The following BSND variants were observed in gnomAD, a reference collection of about 807,000 sequenced individuals.
The protein encoded by BSND is barttin.
A neutral mutation model predicts 18.8 loss-of-function variants in BSND; 13 were observed. The ratio of observed to expected loss-of-function variants is 0.69; its 90% CI spans 0.45 to 1.10. BSND has a LOEUF of 1.10. Among genes scored for constraint, BSND ranks in the 50% least tolerant of loss-of-function variants. The probability of loss-of-function intolerance (pLI) is 0.00; values close to 1 mark genes in which losing one functional copy is unlikely to be tolerated. For missense variants in BSND, 379 were observed against 416.7 expected (o/e 0.91, Z 0.79); for synonymous variants, 170 against 161.8 (o/e 1.05, Z -0.39).
At position 55,013,024 on chromosome 1, in the gene BSND, T is replaced by C. The variant is rs80208889; in HGVS notation, c.*4396T>C. The stretch of plus-strand genomic sequence containing the variant: ...AACTGATATTCAAACATAGGTCCTC[T>C]GAGCCTGTGCTCTTCCCACGATGCC... On this transcript the variant is annotated 3_prime_UTR_variant, in exon 4 of 4. Coordinates refer to ENST00000651561, the MANE Select transcript of BSND (RefSeq NM_057176.3). 3.1e-3 allele frequency among the ~76,000 whole-genome samples: 476 copies of C among 152,026 alleles called. 1 individual carries two copies. The highest frequency in any genetic ancestry group is 0.011 in the African/African-American group (453 of 41,340).
intron 1 of BSND, among the ~76,000 whole-genome samples, chr1:55,000,508 A>G (rs1160238638): frequency 1.3e-5 from 2 of 152,060 alleles, no homozygotes; most frequent in African/African-American, 4.8e-5. Flanking sequence ...CCTAATATCT[A>G]GGGCTCCAGG....
rs571135972 is a variant in BSND, at chr1:54,999,526, TCC to T, written c.177+164_177+165del. 0.016 allele frequency among the ~76,000 whole-genome samples: 2,055 copies of T among 132,348 alleles called. 36 individuals carry two copies. The highest frequency in any genetic ancestry group is 0.071 in the African/African-American group (1,971 of 27,836). The allele number at this position is 132,348 out of a possible 152,430, so 86.8% of individuals were successfully genotyped here. ...CTCTCCTGAGCGTCTGTCCCATCCATCCATCCATCCATCCATCCATCCATCCA... is the reference window on the plus strand; with the variant it reads ...CTCTCCTGAGCGTCTGTCCCATCCATATCCATCCATCCATCCATCCATCCA... On this transcript the variant is annotated intron_variant, in intron 1 of 3. Transcript: ENST00000651561.
chr1:55,006,897 G>T, intron 2 of BSND, 100 bp from the exon 3 acceptor site: 5 of 1,558,074 alleles, frequency 3.2e-6, no homozygotes, highest in Admixed American at 1.7e-5. Context: ...TTCTTGTGAG[G>T]TGAGGGGAGA....
Position 55,007,254 on chromosome 1 carries a change from T to C in BSND, c.530T>C (p.Leu177Pro), listed in dbSNP as rs1301227852. ...GSDESEGERRLTQSWPGPLAC... is the reference protein window; with the variant it reads ...GSDESEGERRPTQSWPGPLAC... Reference sequence around the variant, plus strand: ...GACGAGAGTGAAGGGGAAAGACGCCTAACTCAGAGCTGGCCCGGGTGAGTG... The same window carrying C: ...GACGAGAGTGAAGGGGAAAGACGCCCAACTCAGAGCTGGCCCGGGTGAGTG... The change falls in exon 3 of 4, where the codon CTA (leucine) becomes CCA (proline). Residue 177 changes from leucine (L) to proline (P), a missense_variant. Physicochemically the swap from Leu to Pro is moderately conservative, Grantham distance 98. Transcript: ENST00000651561. 15 of 1,590,890 alleles carry C rather than the reference T, an allele frequency of 9.4e-6. No homozygotes were observed. The Admixed American group carries it at 1.9e-4, about 20-fold the overall frequency.
At chr1:55,005,844 A>G (rs1644388964) in intron 2 of BSND, among the ~76,000 whole-genome samples, 1 of 152,204 alleles carries the variant, frequency 6.6e-6, no homozygotes, top group Non-Finnish European at 1.5e-5. Context: ...ATGGGGAGTC[A>G]GTGATGGAAG....
rs539658625 is a variant in BSND, at chr1:55,013,864, C to T, written c.*5236C>T. On this transcript the variant is annotated 3_prime_UTR_variant, in exon 4 of 4. Transcript: ENST00000651561. ...AGCAGCCCCGGCATCCTCACCTTTC[C>T]AGCCACCCTGCCTTGGCTCATGCTG... 1.3e-5 allele frequency among the ~76,000 whole-genome samples: 2 copies of T among 152,256 alleles called. No homozygotes were observed. The highest frequency in any genetic ancestry group is 1.9e-4 in the East Asian group (1 of 5,170).
Position 55,008,355 on chromosome 1 carries a change from C to A in BSND, c.690C>A (p.Gly230=), listed in dbSNP as rs376253031. The A allele has an allele frequency of 1.9e-6, 3 of 1,614,118 alleles. No homozygotes were observed. Among genetic ancestry groups the A allele is most frequent in the Non-Finnish European group, 1.7e-6 (2 of 1,180,056 alleles). ...GTTCCCCACAACAGGAACCTCAGGG[C>A]TGCAGGTGCCCGCTGGACCGCTTCC... ...EACSPQQEPQ[G]CRCPLDRFQD... is the part of the protein sequence containing the mutation. The change falls in exon 4 of 4, where the codon GGC becomes GGA. Residue 230 remains glycine, a synonymous_variant. Coordinates refer to ENST00000651561, the MANE Select transcript of BSND (RefSeq NM_057176.3).
rs1169193979 is a variant in BSND, at chr1:55,010,437, A to G, written c.*1809A>G. 1 of 152,350 alleles carries G rather than the reference A, an allele frequency of 6.6e-6. No homozygotes were observed. Among genetic ancestry groups the G allele is most frequent in the Non-Finnish European group, 1.5e-5 (1 of 68,176 alleles). The allele number at this position is 152,350 out of a possible 1,614,324, so 9.4% of individuals were successfully genotyped here. A position where few individuals can be genotyped will look rare whatever the true frequency, so the allele number is the denominator to read the frequency against. On this transcript the variant is annotated 3_prime_UTR_variant, in exon 4 of 4. Transcript: ENST00000651561. ...CAGGATCCTGGCAGCTGCAGAGAAA[A>G]TGGCAGTAACACTACCTCAAACCAG...
rs1644428330 is a variant in BSND, at chr1:55,012,624, T to C, written c.*3996T>C. On this transcript the variant is annotated 3_prime_UTR_variant, in exon 4 of 4. Transcript: ENST00000651561. ...CTCTCTGGGTCTCTTCCCTCATCTA[T>C]GCATCAGGGAGCCACTGTCCTGCCT... Among the ~76,000 whole-genome samples, 1 of 152,210 alleles carries C rather than the reference T, an allele frequency of 6.6e-6. No individual in the cohort carries two copies.
rs1174491760 is a variant in BSND, at chr1:55,010,191, A to C, written c.*1563A>C. On this transcript the variant is annotated 3_prime_UTR_variant, in exon 4 of 4. Transcript: ENST00000651561. ...CAATCTAGTGAGCTTGATTTCTGTGAGTGCAGAGCAGAAGCTGAGGTGGGA... is the reference window on the plus strand; with the variant it reads ...CAATCTAGTGAGCTTGATTTCTGTGCGTGCAGAGCAGAAGCTGAGGTGGGA... 1 of 152,216 alleles carries C rather than the reference A, an allele frequency of 6.6e-6. No homozygotes were observed. The highest frequency in any genetic ancestry group is 2.4e-5 in the African/African-American group (1 of 41,440). The allele number at this position is 152,216 out of a possible 1,614,324, so 9.4% of individuals were successfully genotyped here.
In BSND at chr1:54,998,967, C is replaced by A. The variant is rs1048101204; in HGVS notation, c.-220C>A. 17 of 583,214 alleles carry A rather than the reference C, an allele frequency of 2.9e-5. No individual in the cohort carries two copies. The African/African-American group carries it at 3.2e-4, about 11-fold the overall frequency. The allele number at this position is 583,214 out of a possible 1,614,324, so 36.1% of individuals were successfully genotyped here. The stretch of plus-strand genomic sequence containing the variant: ...GTGAGAGGGCAAGGAGTAAAGGTGG[C>A]TGGGTGTGGGTCCGTTGAAGCGAGC... On this transcript the variant is annotated 5_prime_UTR_variant, in exon 1 of 4. It adds an upstream start codon to the 5' untranslated region. Coordinates refer to ENST00000651561, the MANE Select transcript of BSND (RefSeq NM_057176.3).
Position 54,999,092 on chromosome 1 carries a change from C to T in BSND, c.-95C>T, listed in dbSNP as rs1644347399. ...CCTTGAGTTGCAGCGATTTCAGTGTCTTCTCTCCCTGTGTAAGCCTGTCTC... is the reference window on the plus strand; with the variant it reads ...CCTTGAGTTGCAGCGATTTCAGTGTTTTCTCTCCCTGTGTAAGCCTGTCTC... On this transcript the variant is annotated 5_prime_UTR_variant, in exon 1 of 4. Transcript: ENST00000651561. The T allele has an allele frequency of 1.3e-6, 2 of 1,488,962 alleles. No individual in the cohort carries two copies. The highest frequency in any genetic ancestry group is 1.9e-6 in the Non-Finnish European group (2 of 1,079,844). The allele number at this position is 1,488,962 out of a possible 1,614,324, so 92.2% of individuals were successfully genotyped here. A position where few individuals can be genotyped will look rare whatever the true frequency, so the allele number is the denominator to read the frequency against.
chr1:55,004,979 A>G (rs775010664), intron 1 of BSND, 43 bp from the exon 2 acceptor site: 9 of 1,581,062 alleles, frequency 5.7e-6, no homozygotes, highest in Non-Finnish European at 7.0e-6. Context: ...TAGCCCCCCT[A>G]CCCTGGTCAA....
At position 55,002,642 on chromosome 1, in the gene BSND, C is replaced by T. The variant is rs182834725; in HGVS notation, c.178-2380C>T. 1.1e-4 allele frequency among the ~76,000 whole-genome samples: 17 copies of T among 152,356 alleles called. 1 individual carries two copies. In the East Asian group the frequency reaches 1.5e-3, roughly 14 times the overall value. On this transcript the variant is annotated intron_variant, in intron 1 of 3. Coordinates refer to ENST00000651561, the MANE Select transcript of BSND (RefSeq NM_057176.3). ...CCATGGTCTGATATCCTCTCTCCAG[C>T]TTCAACTCTGCCTGTCCCTCCTCAT...
intron 3 of BSND, among the ~76,000 whole-genome samples, chr1:55,007,788 C>T (rs1043350201): frequency 5.9e-5 from 9 of 152,156 alleles, no homozygotes; most frequent in Non-Finnish European, 1.3e-4. Flanking sequence ...TTATTCATTC[C>T]ATCCACATTA....
In BSND at chr1:55,005,130, C is replaced by A. The variant is rs767385762; in HGVS notation, c.272+14C>A. ...CGAGATGAAGAGGTAGGTGCCAGGC[C>A]CTCTCGGGAGGGGAGGAGTAAGCCC... On this transcript the variant is annotated intron_variant, in intron 2 of 3. Coordinates refer to ENST00000651561, the MANE Select transcript of BSND (RefSeq NM_057176.3). 4.3e-6 allele frequency: 7 copies of A among 1,613,628 alleles called. No individual in the cohort carries two copies. The highest frequency in any genetic ancestry group is 1.3e-5 in the African/African-American group (1 of 75,046).
rs976275029 is a variant in BSND, at chr1:55,013,766, G to A, written c.*5138G>A. Among the ~76,000 whole-genome samples the A allele has an allele frequency of 2.0e-5, 3 of 152,102 alleles. No individual in the cohort carries two copies. The highest frequency in any genetic ancestry group is 7.2e-5 in the African/African-American group (3 of 41,402). On this transcript the variant is annotated 3_prime_UTR_variant, in exon 4 of 4. Coordinates refer to ENST00000651561, the MANE Select transcript of BSND (RefSeq NM_057176.3). ...AGATAAAATTCAGATTCCTCAGGCT[G>A]GCATTTGAGGCCCTTCATGATCTGG...
intron 1 of BSND, 22 bp downstream of exon 1, chr1:54,999,385 TG>T: frequency 1.3e-6 from 2 of 1,597,194 alleles, no homozygotes; most frequent in Non-Finnish European, 8.6e-7. Flanking sequence ...TGGGGCTGGG[TG>T]GGGCCAGGTC....
In BSND at chr1:55,009,027, G is replaced by A. The variant is rs1040101338; in HGVS notation, c.*399G>A. ...TCTTATAGTCCACTTGGTAGATGGC[G>A]TGATCCGTCTTTACACAGAGGGAGC... On this transcript the variant is annotated 3_prime_UTR_variant, in exon 4 of 4. Coordinates refer to ENST00000651561, the MANE Select transcript of BSND (RefSeq NM_057176.3). 6.1e-5 allele frequency: 20 copies of A among 329,280 alleles called. No homozygotes were observed. Among genetic ancestry groups the A allele is most frequent in the African/African-American group, 3.2e-4 (15 of 46,304 alleles). 20.4% of individuals were successfully genotyped at this position (329,280 alleles called of 1,614,324 possible).
Sources: allele counts gnomAD v4.1 joint callset (sites outside exome capture counted in the v4.1 genomes callset), GRCh38; gene constraint gnomAD v4.1.1; transcripts MANE v1.5; gene names NCBI Gene and HGNC (gene_info 2026-07-23, HGNC 2026-07-21).